PDIK1L: variants seen among roughly 807,000 people sequenced by gnomAD.
PDIK1L encodes serine/threonine-protein kinase PDIK1L.
PDIK1L carries 9 observed loss-of-function variants against 27.1 expected under a neutral mutation model. That is an observed-to-expected ratio of 0.33 (90% CI 0.20 to 0.58). The LOEUF is 0.58. Among genes scored for constraint, PDIK1L ranks in the 20% least tolerant of loss-of-function variants. PDIK1L has a pLI of 0.86. For synonymous variants in PDIK1L, 130 were observed against 141.7 expected (o/e 0.92, Z 0.59); for missense variants, 216 against 413.2 (o/e 0.52, Z 4.14).
In PDIK1L at chr1:26,114,155, A is replaced by G; in HGVS notation, c.-17-137A>G. ...CTTTATTGTTACTATTCTTAAAATTAGATTTCCCCTAGGTATAGCAAATAT... is the reference window on the plus strand; with the variant it reads ...CTTTATTGTTACTATTCTTAAAATTGGATTTCCCCTAGGTATAGCAAATAT... On this transcript the variant is annotated intron_variant, in intron 1 of 2. Coordinates refer to ENST00000374269, the MANE Select transcript of PDIK1L (RefSeq NM_152835.5). This position sits in a 1 kb window ranked among gnomAD's most constrained non-coding sequence, Gnocchi z 4.8. 1 of 810,366 alleles carries G rather than the reference A, an allele frequency of 1.2e-6. No homozygotes were observed. The highest frequency in any genetic ancestry group is 1.9e-6 in the Non-Finnish European group (1 of 526,076). The allele number at this position is 810,366 out of a possible 1,614,324, so 50.2% of individuals were successfully genotyped here. A position where few individuals can be genotyped will look rare whatever the true frequency, so the allele number is the denominator to read the frequency against.
chr1:26,122,708 T>A lies in PDIK1L; in HGVS notation c.*131T>A. The A allele has an allele frequency of 8.6e-7, 1 of 1,159,418 alleles. No individual in the cohort carries two copies. The highest frequency in any genetic ancestry group is 2.7e-5 in the East Asian group (1 of 37,046). 71.8% of individuals were successfully genotyped at this position (1,159,418 alleles called of 1,614,324 possible). ...AGGGTTTAGATTTTTTGTGGGATTT[T>A]TTTTTTCCTCATTTTTCTTAAATCC... On this transcript the variant is annotated 3_prime_UTR_variant, in exon 3 of 3. Transcript: ENST00000374269. This position sits in a 1 kb window ranked among gnomAD's most constrained non-coding sequence, Gnocchi z 5.4.
chr1:26,112,317 C>G (rs2087811471), intron 1 of PDIK1L: 1 of 152,272 alleles, frequency 6.6e-6, no homozygotes, highest in Non-Finnish European at 1.5e-5. Flanking sequence ...CTGGCCTGGC[C>G]GGCTCGCGTC....
intron 2 of PDIK1L, among the ~76,000 whole-genome samples, chr1:26,116,039 A>T (rs553692862): frequency 1.3e-4 from 20 of 152,194 alleles, no homozygotes; most frequent in African/African-American, 4.6e-4. Flanking sequence ...TGTCTCTACT[A>T]AAAAACTACA....
At position 26,114,172 on chromosome 1, in the gene PDIK1L, A is replaced by G. The variant is rs2087843677; in HGVS notation, c.-17-120A>G. 2.0e-6 allele frequency: 2 copies of G among 984,514 alleles called. No individual in the cohort carries two copies. The allele number at this position is 984,514 out of a possible 1,614,324, so 61.0% of individuals were successfully genotyped here. On this transcript the variant is annotated intron_variant, in intron 1 of 2. Coordinates refer to ENST00000374269, the MANE Select transcript of PDIK1L (RefSeq NM_152835.5). This position sits in a 1 kb window ranked among gnomAD's most constrained non-coding sequence, Gnocchi z 4.8. ...TTAAAATTAGATTTCCCCTAGGTAT[A>G]GCAAATATCCTTCAAGCACTGCAGA...
At chr1:26,117,886 C>T (rs2087906561) in intron 2 of PDIK1L, among the ~76,000 whole-genome samples, 1 of 151,974 alleles carries the variant, frequency 6.6e-6, no homozygotes, top group South Asian at 2.1e-4. Flanking sequence ...TGGCAAAACC[C>T]CATCTCTACG....
intron 2 of PDIK1L, among the ~76,000 whole-genome samples, chr1:26,115,101 G>A (rs748886765): frequency 2.0e-5 from 3 of 152,226 alleles, no homozygotes; most frequent in Non-Finnish European, 4.4e-5. Context: ...ACACCTGAAT[G>A]TTATTAACAG....
intron 1 of PDIK1L, among the ~76,000 whole-genome samples, chr1:26,113,372 G>T (rs1197156339): frequency 6.6e-6 from 1 of 151,834 alleles, no homozygotes; most frequent in Non-Finnish European, 1.5e-5. Flanking sequence ...GGCGCCTATA[G>T]TCCCAGCTAC....
chr1:26,112,618 T>C (rs1226376453), intron 1 of PDIK1L: 1 of 152,254 alleles, frequency 6.6e-6, no homozygotes, highest in Non-Finnish European at 1.5e-5. Context: ...GGCAGGAAAT[T>C]AGACACTAGG....
intron 1 of PDIK1L, among the ~76,000 whole-genome samples, chr1:26,112,157 G>A (rs755394821): frequency 6.2e-4 from 95 of 152,344 alleles, no homozygotes; most frequent in Admixed American, 9.1e-4. Context: ...TCCTCAGAGC[G>A]AAGGGGCTCA....
At chr1:26,116,233 G>C (rs574245836) in intron 2 of PDIK1L, among the ~76,000 whole-genome samples, 9 of 150,860 alleles carry the variant, frequency 6.0e-5, no homozygotes, top group African/African-American at 2.2e-4. Flanking sequence ...CTTTTGGTCA[G>C]GCGTGGTGGC....
rs1197992734 is a variant in PDIK1L, at chr1:26,123,448, C to G, written c.*871C>G. 6.6e-6 allele frequency: 1 copy of G among 152,626 alleles called. No individual in the cohort carries two copies. The highest frequency in any genetic ancestry group is 2.4e-5 in the African/African-American group (1 of 41,454). The allele number at this position is 152,626 out of a possible 1,614,324, so 9.5% of individuals were successfully genotyped here. ...ACGTCTGCACTTGAGCTTCTACAAT[C>G]TGATATAAATCTGAATACAGGATTA... On this transcript the variant is annotated 3_prime_UTR_variant, in exon 3 of 3. Coordinates refer to ENST00000374269, the MANE Select transcript of PDIK1L (RefSeq NM_152835.5).
Position 26,114,503 on chromosome 1 carries a change from A to G in PDIK1L, c.195A>G (p.Pro65=), listed in dbSNP as rs763170639. The change falls in exon 2 of 3, where the codon CCA becomes CCG. Residue 65 remains proline (P), a synonymous_variant. Transcript: ENST00000374269. This position sits in a 1 kb window ranked among gnomAD's most constrained non-coding sequence, Gnocchi z 4.8. The stretch of plus-strand genomic sequence containing the variant: ...TAAGCAGTATCAAGAGCCAACATCC[A>G]AATGTGATTCACTTGGAGGAATGCA... The part of the protein sequence containing the change: ...WALSSIKSQH[P]NVIHLEECIL... The G allele has an allele frequency of 6.2e-7, 1 of 1,614,190 alleles. No individual in the cohort carries two copies. Among genetic ancestry groups the G allele is most frequent in the Non-Finnish European group, 8.5e-7 (1 of 1,180,012 alleles).
In PDIK1L at chr1:26,122,527, G is replaced by C. The variant is rs781461622; in HGVS notation, c.976G>C (p.Glu326Gln). The change falls in exon 3 of 3, where the codon GAA becomes CAA. Residue 326 changes from glutamate to glutamine, a missense_variant. Physicochemically the swap from Glu to Gln is conservative, Grantham distance 29. Around this residue, in one of 2 missense-constraint regions of PDIK1L, gnomAD observed 169 missense variants for 366.0 expected, o/e 0.46. Coordinates refer to ENST00000374269, the MANE Select transcript of PDIK1L (RefSeq NM_152835.5). The surrounding 1 kb of genome is among the most constrained non-coding windows in gnomAD (Gnocchi z 5.4). ...GGATCGTCCAGATGCTTTTGAACTA[G>C]AACTCAGATTAGTACAAATTGCATT... is the stretch of plus-strand genomic sequence containing the variant. Reference protein sequence around the residue: ...PQDRPDAFELELRLVQIAFKD... With the variant: ...PQDRPDAFELQLRLVQIAFKD... 1.2e-6 allele frequency: 2 copies of C among 1,613,728 alleles called. No homozygotes were observed. The highest frequency in any genetic ancestry group is 1.7e-6 in the Non-Finnish European group (2 of 1,179,900).
At chr1:26,116,235 C>T (rs1379646582) in intron 2 of PDIK1L, among the ~76,000 whole-genome samples, 4 of 149,714 alleles carry the variant, frequency 2.7e-5, no homozygotes, top group Non-Finnish European at 4.4e-5. Context: ...TTTGGTCAGG[C>T]GTGGTGGCTT....
intron 2 of PDIK1L, among the ~76,000 whole-genome samples, chr1:26,117,107 C>G (rs1312089555): frequency 2.0e-5 from 3 of 147,132 alleles, no homozygotes; most frequent in Admixed American, 1.4e-4. Flanking sequence ...TCTCGGCTCA[C>G]TGCAACCTCC....
Position 26,121,877 on chromosome 1 carries a change from C to G in PDIK1L, c.326C>G (p.Pro109Arg). 1 of 1,609,406 alleles carries G rather than the reference C, an allele frequency of 6.2e-7. No homozygotes were observed. Among genetic ancestry groups the G allele is most frequent in the Non-Finnish European group, 8.5e-7 (1 of 1,177,674 alleles). ...TSLKGEIAFD[P>R]RSAYYLWFVM... Reference sequence around the variant, plus strand: ...TTAAAAGGAGAAATTGCCTTTGATCCCAGAAGCGCCTATTATTTGTGGTTT... The same window carrying G: ...TTAAAAGGAGAAATTGCCTTTGATCGCAGAAGCGCCTATTATTTGTGGTTT... The change falls in exon 3 of 3, where the codon CCC becomes CGC. Residue 109 changes from proline (P) to arginine (R), a missense_variant. Physicochemically the swap from Pro to Arg is moderately radical, Grantham distance 103 (BLOSUM62 -2). Coordinates refer to ENST00000374269, the MANE Select transcript of PDIK1L (RefSeq NM_152835.5).
intron 1 of PDIK1L, among the ~76,000 whole-genome samples, chr1:26,113,380 T>A (rs971760359): frequency 2.6e-5 from 4 of 151,426 alleles, no homozygotes; most frequent in African/African-American, 9.7e-5. Flanking sequence ...TAGTCCCAGC[T>A]ACTCGGGAGG....
In PDIK1L at chr1:26,125,105, G is replaced by A. The variant is rs559244744; in HGVS notation, c.*2528G>A. On this transcript the variant is annotated 3_prime_UTR_variant, in exon 3 of 3. Transcript: ENST00000374269. ...TCAAATGAGCTTATAGGCAGCTGTG[G>A]CCAGTGAAAATATGGGGTTGTACAG... 1 of 152,678 alleles carries A rather than the reference G, an allele frequency of 6.5e-6. No homozygotes were observed. Among genetic ancestry groups the A allele is most frequent in the South Asian group, 2.1e-4 (1 of 4,830 alleles). 9.5% of individuals were successfully genotyped at this position (152,678 alleles called of 1,614,324 possible). A position where few individuals can be genotyped will look rare whatever the true frequency, so the allele number is the denominator to read the frequency against.
In PDIK1L at chr1:26,123,945, G is replaced by C. The variant is rs1435570029; in HGVS notation, c.*1368G>C. On this transcript the variant is annotated 3_prime_UTR_variant, in exon 3 of 3. Transcript: ENST00000374269. The stretch of plus-strand genomic sequence containing the variant: ...TAAATGCAGATAGTTAAAATCTAAA[G>C]GATAGAATGCTTTCCTAAAACAGAA... 6.6e-6 allele frequency: 1 copy of C among 152,576 alleles called. No individual in the cohort carries two copies. The highest frequency in any genetic ancestry group is 6.5e-5 in the Admixed American group (1 of 15,268). 9.5% of individuals were successfully genotyped at this position (152,576 alleles called of 1,614,324 possible).
Sources: gnomAD v4.1 joint callset for allele counts (sites outside exome capture counted in the v4.1 genomes callset) on GRCh38, gnomAD v4.1.1 for gene constraint, gnomAD v4.1.1 regional missense constraint, Gnocchi (gnomAD v3.1) non-coding constraint, MANE v1.5 for transcripts, NCBI Gene and HGNC (gene_info 2026-07-23, HGNC 2026-07-21) for gene names.